The following SHISA9 variants were observed in gnomAD, a reference collection of about 807,000 sequenced individuals.
SHISA9 encodes protein shisa-9.
In SHISA9, 13 loss-of-function variants were observed where a neutral mutation model predicts 38.0. That is an observed-to-expected ratio of 0.34 (90% CI 0.22 to 0.54). SHISA9 has a LOEUF of 0.54. Ranked by LOEUF, SHISA9 falls within the 20% of genes least tolerant of loss-of-function variation. The pLI, the probability that SHISA9 is intolerant of heterozygous loss-of-function variation, is 0.91. For missense variants in SHISA9, 538 were observed against 575.8 expected (o/e 0.93, Z 0.67); for synonymous variants, 275 against 242.0 (o/e 1.14, Z -1.27).
the SHISA9 span, among the ~76,000 whole-genome samples, chr16:13,359,465 A>T: frequency 6.6e-6 from 1 of 152,244 alleles, no homozygotes; most frequent in African/African-American, 2.4e-5. Flanking sequence ...CCTAGGTGAC[A>T]GAGTGAGACT....
chr16:13,055,536 T>C (rs1269041336), intron 2 of SHISA9, among the ~76,000 whole-genome samples: 1 of 152,224 alleles, frequency 6.6e-6, no homozygotes, highest in Non-Finnish European at 1.5e-5. Flanking sequence ...TGAGAAAGTG[T>C]CTTGGCTCTC....
At chr16:13,278,121 A>G in the SHISA9 span, among the ~76,000 whole-genome samples, 1 of 152,104 alleles carries the variant, frequency 6.6e-6, no homozygotes, top group African/African-American at 2.4e-5. Context: ...AGTTTTAGTC[A>G]TAAAGTGATG....
At chr16:13,123,111 T>C (rs1232249489) in intron 2 of SHISA9, among the ~76,000 whole-genome samples, 2 of 150,708 alleles carry the variant, frequency 1.3e-5, no homozygotes, top group African/African-American at 2.4e-5. Context: ...GGTCATGTAA[T>C]GCAAATAAAC....
intron 2 of SHISA9, among the ~76,000 whole-genome samples, chr16:13,153,137 T>C (rs890525658): frequency 6.6e-6 from 1 of 152,120 alleles, no homozygotes; most frequent in African/African-American, 2.4e-5. Flanking sequence ...GACACCTTGA[T>C]TTTAGCCCAG....
At chr16:13,080,732 T>C (rs1350921584) in intron 2 of SHISA9, among the ~76,000 whole-genome samples, 7 of 152,234 alleles carry the variant, frequency 4.6e-5, no homozygotes, top group Non-Finnish European at 1.0e-4. Context: ...TGACTGTCAC[T>C]GGAGACATAA....
the SHISA9 span, among the ~76,000 whole-genome samples, chr16:13,526,064 G>T: frequency 2.0e-5 from 3 of 152,210 alleles, no homozygotes; most frequent in African/African-American, 7.2e-5. Context: ...TTTGGTCTTT[G>T]AGAGCTCTTC....
intron 2 of SHISA9, among the ~76,000 whole-genome samples, chr16:12,997,261 G>A (rs1165830820): frequency 3.3e-5 from 5 of 151,764 alleles, no homozygotes; most frequent in Non-Finnish European, 5.9e-5. Flanking sequence ...TCTTTTGCTT[G>A]GCAGGACATC....
chr16:13,127,510 A>G (rs1354450235), intron 2 of SHISA9, among the ~76,000 whole-genome samples: 1 of 151,912 alleles, frequency 6.6e-6, no homozygotes, highest in Non-Finnish European at 1.5e-5. Flanking sequence ...CAAGAAAAGG[A>G]TAGAGAATAA....
chr16:13,358,082 C>T, the SHISA9 span, among the ~76,000 whole-genome samples: 178 of 152,172 alleles, frequency 1.2e-3, no homozygotes, highest in African/African-American at 2.4e-3. Context: ...GTGATGGGTA[C>T]GGCCTCCCTT....
chr16:13,463,319 A>G, the SHISA9 span, among the ~76,000 whole-genome samples: 9 of 152,120 alleles, frequency 5.9e-5, no homozygotes, highest in Non-Finnish European at 1.3e-4. Context: ...AGGTGTGGAG[A>G]GAGAGAGGAC....
intron 2 of SHISA9, among the ~76,000 whole-genome samples, chr16:13,156,137 C>G (rs763405126): frequency 1.2e-4 from 19 of 152,158 alleles, no homozygotes; most frequent in Non-Finnish European, 2.4e-4. Flanking sequence ...GTGTGCCTTC[C>G]TGGCATTCTT....
the SHISA9 span, among the ~76,000 whole-genome samples, chr16:13,295,463 G>A: frequency 8.5e-5 from 13 of 152,128 alleles, no homozygotes; most frequent in Non-Finnish European, 1.5e-5. Flanking sequence ...TGAAACTCTG[G>A]CCAGTTCTCC....
At chr16:13,293,443 G>A in the SHISA9 span, among the ~76,000 whole-genome samples, 3 of 152,156 alleles carry the variant, frequency 2.0e-5, no homozygotes, top group Admixed American at 2.0e-4. Context: ...GACTCAAAAC[G>A]TAGACATCCT....
the SHISA9 span, among the ~76,000 whole-genome samples, chr16:13,262,241 G>T: frequency 1.3e-5 from 2 of 152,152 alleles, no homozygotes; most frequent in African/African-American, 4.8e-5. Flanking sequence ...TGAAAAGAAT[G>T]GGATTGATAC....
At chr16:13,150,778 C>G (rs552460794) in intron 2 of SHISA9, among the ~76,000 whole-genome samples, 1 of 152,308 alleles carries the variant, frequency 6.6e-6, no homozygotes, top group South Asian at 2.1e-4. Context: ...ATATATTAAC[C>G]CTTGATTTAC....
the SHISA9 span, among the ~76,000 whole-genome samples, chr16:13,260,616 G>A: frequency 5.3e-5 from 8 of 152,078 alleles, no homozygotes; most frequent in African/African-American, 1.7e-4. Flanking sequence ...GGACCTTATT[G>A]TCCATATTGA....
At chr16:13,272,185 G>A in the SHISA9 span, among the ~76,000 whole-genome samples, 2 of 151,640 alleles carry the variant, frequency 1.3e-5, no homozygotes, top group African/African-American at 4.8e-5. Flanking sequence ...AATTGAAATG[G>A]GCACTTTTCA....
the SHISA9 span, among the ~76,000 whole-genome samples, chr16:13,469,320 G>GAGAGAGAGAGAGAGAGAA: frequency 1.1e-4 from 7 of 61,620 alleles, no homozygotes; most frequent in African/African-American, 5.4e-4. Context: ...GAGAGAGAGA[G>GAGAGAGAGAGAGAGAGAA]AGAAAGAAAG....
intron 2 of SHISA9, among the ~76,000 whole-genome samples, chr16:13,122,397 T>A (rs2050219776): frequency 6.6e-6 from 1 of 152,054 alleles, no homozygotes; most frequent in African/African-American, 2.4e-5. Flanking sequence ...TCATCCTTCC[T>A]AAATGCTGGA....
Sources: allele counts gnomAD v4.1 joint callset (sites outside exome capture counted in the v4.1 genomes callset), GRCh38; gene constraint gnomAD v4.1.1; transcripts MANE v1.5; gene names NCBI Gene and HGNC (gene_info 2026-07-23, HGNC 2026-07-21).